RACGAP1: variants seen among roughly 807,000 people sequenced by gnomAD.
RACGAP1 encodes the protein Rac GTPase activating protein 1.
Under a neutral mutation model 78.1 loss-of-function variants are expected in RACGAP1, and 30 were observed. The observed-to-expected ratio is 0.38, with a 90% confidence interval of 0.29 to 0.52. The LOEUF (loss-of-function observed/expected upper bound fraction) is 0.52. RACGAP1 is among the 20% of genes least tolerant of loss of function. The pLI is 0.82. For synonymous variants in RACGAP1, 231 were observed against 264.8 expected, an observed-to-expected ratio of 0.87 and a Z score of 1.24; for missense variants, 587 against 777.1, an observed-to-expected ratio of 0.76 and a Z score of 2.91.
chr12:50,023,491 T>C (rs529030639), intron 1 of RACGAP1, among the ~76,000 whole-genome samples: 133 of 152,282 alleles, frequency 8.7e-4, no homozygotes, highest in Non-Finnish European at 1.6e-3. Context: ...CCCATCATTT[T>C]GAGAGGCCAA....
At chr12:50,024,648 A>G (rs1425421036) in intron 1 of RACGAP1, among the ~76,000 whole-genome samples, 1 of 152,086 alleles carries the variant, frequency 6.6e-6, no homozygotes, top group Non-Finnish European at 1.5e-5. Flanking sequence ...GTACCCCCTA[A>G]ATATACAAAA....
rs186838888 is a variant in RACGAP1 at position 49,990,195 on chromosome 12, G to A, written c.*73C>T. The A allele has an allele frequency of 6.4e-5, 82 of 1,281,068 alleles. No homozygotes were observed. The East Asian group carries it at 1.8e-3, about 28-fold the overall frequency. 79.4% of individuals were successfully genotyped at this position (1,281,068 alleles called of 1,614,324 possible). A position where few individuals can be genotyped will look rare whatever the true frequency, so the allele number is the denominator to read the frequency against. ...CTAAAAGTAGTAATGAGTACAGGAG[G>A]CTGCAGAGCAGAGTACAGATGTGTC... On this transcript the variant is annotated 3_prime_UTR_variant, in exon 17 of 17. Transcript: ENST00000312377.
chr12:50,031,457 C>G (rs1426885764), intron 2 of RACGAP1, among the ~76,000 whole-genome samples: 1 of 103,430 alleles, frequency 9.7e-6, no homozygotes, highest in Non-Finnish European at 1.8e-5. Context: ...CCAGCCTGGG[C>G]AACAGAGCAA....
Position 50,004,272 on chromosome 12 carries a change from A to C in RACGAP1, c.458T>G (p.Leu153Ter). The change falls in exon 5 of 17, where the codon TTA becomes TGA. Residue 153 changes from leucine (L) to a stop codon, truncating the protein, a stop_gained. Coordinates refer to ENST00000312377, the MANE Select transcript of RACGAP1 (RefSeq NM_001319999.2). LOFTEE classifies it high-confidence loss of function. Reference protein sequence around the residue: ...LSTIDESGSILSDISFDKTDE... With the variant: ...LSTIDESGSI ...AGTCTTGTCAAAGCTGATATCTGAT[A>C]AAATGGAACCAGATTCATCAATGGT... 1 of 1,605,924 alleles carries C rather than the reference A, an allele frequency of 6.2e-7. No individual in the cohort carries two copies. The highest frequency in any genetic ancestry group is 8.5e-7 in the Non-Finnish European group (1 of 1,173,258).
At chr12:49,993,742 G>A (rs1172419462) in intron 12 of RACGAP1, among the ~76,000 whole-genome samples, 3 of 78,952 alleles carry the variant, frequency 3.8e-5, no homozygotes, top group Non-Finnish European at 9.5e-5. Context: ...GAAAGACTCC[G>A]TCTTAAAAAA....
At position 50,001,286 on chromosome 12, in the gene RACGAP1, C is replaced by A. The variant is rs764845447; in HGVS notation, c.550-34G>T. 4 of 1,507,982 alleles carry A rather than the reference C, an allele frequency of 2.7e-6. No homozygotes were observed. The Admixed American group carries it at 6.8e-5, about 25-fold the overall frequency. The allele number at this position is 1,507,982 out of a possible 1,614,324, so 93.4% of individuals were successfully genotyped here. On this transcript the variant is annotated intron_variant, in intron 6 of 16. Coordinates refer to ENST00000312377, the MANE Select transcript of RACGAP1 (RefSeq NM_001319999.2). ...GAGACAAAGACCCGTAACTTTAATG[C>A]CAAGCAGATCTGAAGCACAGAAGAT...
chr12:49,996,836 C>T (rs1948323128), intron 10 of RACGAP1, among the ~76,000 whole-genome samples: 1 of 150,884 alleles, frequency 6.6e-6, no homozygotes, highest in Non-Finnish European at 1.5e-5. Flanking sequence ...GAAAAAGGGG[C>T]GGGGAAAGAA....
rs757681041 is a variant in RACGAP1, at chr12:50,000,018, A to AT, written c.631-286dup. On this transcript the variant is annotated intron_variant, in intron 7 of 16. Coordinates refer to ENST00000312377, the MANE Select transcript of RACGAP1 (RefSeq NM_001319999.2). ...AAGCATGCGCCACCACACCTGACTG[A>AT]TTTTTTTTTTTTTGAGACGGAGTCT... 3.4e-4 allele frequency among the ~76,000 whole-genome samples: 34 copies of AT among 99,614 alleles called. 2 individuals carry two copies. Among genetic ancestry groups the AT allele is most frequent in the African/African-American group, 1.2e-3 (33 of 26,414 alleles). 65.4% of individuals were successfully genotyped at this position (99,614 alleles called of 152,430 possible).
At chr12:50,030,456 G>A (rs534876505), upstream of RACGAP1, among the ~76,000 whole-genome samples, 1 of 152,140 alleles carries the variant, frequency 6.6e-6, no homozygotes, top group African/African-American at 2.4e-5. Flanking sequence ...GGGAGGCTGA[G>A]AAGGGTGGAT....
chr12:49,990,412 T>C, intron 16 of RACGAP1, 69 bp from the exon 17 acceptor site: 1 of 1,336,280 alleles, frequency 7.5e-7, no homozygotes, highest in Middle Eastern at 1.8e-4. Flanking sequence ...ACTATAATAT[T>C]ACTTGATATA....
intron 1 of RACGAP1, chr12:50,018,458 A>G: frequency 2.0e-6 from 2 of 1,012,736 alleles, no homozygotes; most frequent in South Asian, 2.7e-5. Context: ...CGGCAGGAAG[A>G]GCTGTGGAAT....
intron 2 of RACGAP1, among the ~76,000 whole-genome samples, chr12:50,011,331 CAA>C (rs34796842): frequency 2.3e-3 from 167 of 71,450 alleles, no homozygotes; most frequent in African/African-American, 5.7e-3. Context: ...GAGACTGTCT[CAA>C]AAAAAAAAAA....
chr12:50,007,769 A>G (rs1225379274), intron 2 of RACGAP1, among the ~76,000 whole-genome samples: 1 of 152,198 alleles, frequency 6.6e-6, no homozygotes, highest in Admixed American at 6.5e-5. Flanking sequence ...ACAAACCACA[A>G]ATTTCAGCAA....
upstream of RACGAP1, among the ~76,000 whole-genome samples, chr12:50,027,802 G>A (rs991629936): frequency 5.9e-5 from 9 of 152,170 alleles, no homozygotes; most frequent in Non-Finnish European, 1.3e-4. Flanking sequence ...CTCCAGCCAG[G>A]GCAACAGGGC....
upstream of RACGAP1, among the ~76,000 whole-genome samples, chr12:50,029,718 C>G (rs1459697890): frequency 6.6e-6 from 1 of 151,506 alleles, no homozygotes; most frequent in Non-Finnish European, 1.5e-5. Context: ...ATGGTGAAAC[C>G]CCATCTCTAC....
intron 3 of RACGAP1, among the ~76,000 whole-genome samples, chr12:50,005,921 C>T (rs1948949300): frequency 6.6e-6 from 1 of 152,192 alleles, no homozygotes; most frequent in Non-Finnish European, 1.5e-5. Context: ...CATCCTGGCA[C>T]ATCAAAATGA....
intron 2 of RACGAP1, among the ~76,000 whole-genome samples, chr12:50,031,251 C>A (rs1037431962): frequency 6.7e-6 from 1 of 150,344 alleles, no homozygotes; most frequent in Non-Finnish European, 1.5e-5. Context: ...CTGAGGCAGG[C>A]GGATCATTTG....
At chr12:50,026,485 A>C (rs767302323), upstream of RACGAP1, among the ~76,000 whole-genome samples, 44 of 152,264 alleles carry the variant, frequency 2.9e-4, no homozygotes, top group Non-Finnish European at 5.3e-4. Flanking sequence ...TTAATAACAA[A>C]GTATAATGCA....
chr12:49,995,262 C>T (rs556595425), intron 10 of RACGAP1, among the ~76,000 whole-genome samples: 19 of 152,170 alleles, frequency 1.2e-4, no homozygotes, highest in African/African-American at 4.1e-4. Context: ...GCAGGAGAAT[C>T]GCTTGAACCC....
Sources: gnomAD v4.1 joint callset for allele counts (sites outside exome capture counted in the v4.1 genomes callset) on GRCh38, gnomAD v4.1.1 for gene constraint, MANE v1.5 for transcripts, NCBI Gene and HGNC (gene_info 2026-07-23, HGNC 2026-07-21) for gene names.